Variants in ROBO2 observed in about 807,000 individuals in gnomAD.
ROBO2 encodes roundabout guidance receptor 2.
A neutral mutation model predicts 160.8 loss-of-function variants in ROBO2; 53 were observed. That is an observed-to-expected ratio of 0.33 (90% CI 0.26 to 0.41). The LOEUF (loss-of-function observed/expected upper bound fraction) is 0.41. ROBO2 is among the 10% of genes least tolerant of loss of function. The pLI, the probability that ROBO2 is intolerant of heterozygous loss-of-function variation, is 1.00. For missense variants in ROBO2, 1,577 were observed against 1,722.4 expected, an observed-to-expected ratio of 0.92 and a Z score of 1.49; for synonymous variants, 664 against 611.7, an observed-to-expected ratio of 1.09 and a Z score of -1.26.
intron 5 of ROBO2, among the ~76,000 whole-genome samples, chr3:77,512,363 A>C (rs1414918550): frequency 1.3e-5 from 2 of 151,952 alleles, no homozygotes; most frequent in Non-Finnish European, 2.9e-5. Flanking sequence ...TTCAGCTCTC[A>C]AAATTGAAAG....
intron 2 of ROBO2, among the ~76,000 whole-genome samples, chr3:77,352,130 G>A (rs1345164608): frequency 6.6e-6 from 1 of 150,888 alleles, no homozygotes; most frequent in Admixed American, 6.6e-5. Flanking sequence ...AGAGTCGCAG[G>A]TATCAGCATT....
At chr3:76,220,038 G>A (rs1021378210) in intron 2 of ROBO2, among the ~76,000 whole-genome samples, 3 of 152,034 alleles carry the variant, frequency 2.0e-5, no homozygotes, top group African/African-American at 4.8e-5. Context: ...GGACATGGAT[G>A]AAGCTGGAAA....
chr3:76,638,590 AT>A (rs879906291), intron 2 of ROBO2, among the ~76,000 whole-genome samples: 2 of 152,162 alleles, frequency 1.3e-5, no homozygotes, highest in African/African-American at 2.4e-5. Flanking sequence ...AAAATTTTAA[AT>A]TATTGGGTAA....
intron 1 of ROBO2, among the ~76,000 whole-genome samples, chr3:77,089,960 A>G (rs1415960210): frequency 6.6e-6 from 1 of 152,226 alleles, no homozygotes; most frequent in Non-Finnish European, 1.5e-5. Flanking sequence ...CAATGTAGAC[A>G]GCATTTGCAG....
intron 2 of ROBO2, among the ~76,000 whole-genome samples, chr3:76,339,487 T>C (rs964925923): frequency 6.6e-6 from 1 of 152,192 alleles, no homozygotes; most frequent in Admixed American, 6.6e-5. Flanking sequence ...TATGAGATTA[T>C]GTTATGAGGA....
intron 2 of ROBO2, among the ~76,000 whole-genome samples, chr3:76,909,006 T>A (rs867892450): frequency 6.6e-6 from 1 of 152,186 alleles, no homozygotes; most frequent in African/African-American, 2.4e-5. Flanking sequence ...GCAGGGAGAA[T>A]TGCTTAAGGC....
intron 2 of ROBO2, among the ~76,000 whole-genome samples, chr3:76,242,043 T>G (rs1472693372): frequency 1.3e-5 from 2 of 152,238 alleles, no homozygotes; most frequent in African/African-American, 4.8e-5. Flanking sequence ...ATTATCTTCA[T>G]AGTCACTGAA....
At chr3:76,650,332 CTTCG>C (rs1281575301) in intron 2 of ROBO2, among the ~76,000 whole-genome samples, 1 of 152,084 alleles carries the variant, frequency 6.6e-6, no homozygotes, top group Non-Finnish European at 1.5e-5. Flanking sequence ...GACAGCGTGC[CTTCG>C]TTCTTTCCCT....
At chr3:76,001,201 A>G (rs536926099) in intron 2 of ROBO2, among the ~76,000 whole-genome samples, 2 of 152,328 alleles carry the variant, frequency 1.3e-5, no homozygotes, top group East Asian at 1.9e-4. Context: ...ACTTGAATCA[A>G]TCATCTCCTA....
intron 2 of ROBO2, among the ~76,000 whole-genome samples, chr3:76,778,304 C>T (rs1341152383): frequency 6.6e-6 from 1 of 151,106 alleles, no homozygotes; most frequent in Non-Finnish European, 1.5e-5. Flanking sequence ...TAGCATACAC[C>T]TGTGATGAAT....
intron 2 of ROBO2, among the ~76,000 whole-genome samples, chr3:77,419,207 G>A (rs374314296): frequency 6.6e-6 from 1 of 151,972 alleles, no homozygotes; most frequent in Non-Finnish European, 1.5e-5. Context: ...CATAGAAAAC[G>A]TTAAATCATA....
At chr3:75,932,010 C>T (rs1454524121) in intron 1 of ROBO2, among the ~76,000 whole-genome samples, 1 of 152,148 alleles carries the variant, frequency 6.6e-6, no homozygotes, top group East Asian at 1.9e-4. Flanking sequence ...TTCCGAGAAA[C>T]AAAGGTTTCT....
chr3:75,960,938 C>T (rs1184927595), intron 2 of ROBO2, among the ~76,000 whole-genome samples: 2 of 151,624 alleles, frequency 1.3e-5, no homozygotes, highest in Non-Finnish European at 3.0e-5. Flanking sequence ...ACTTAACTAT[C>T]ATTGACAAAA....
intron 2 of ROBO2, among the ~76,000 whole-genome samples, chr3:76,725,642 A>G (rs1178353980): frequency 2.6e-5 from 4 of 152,166 alleles, no homozygotes; most frequent in Middle Eastern, 3.2e-3. Flanking sequence ...TAAGAACTCT[A>G]TGGGAACCAG....
intron 2 of ROBO2, among the ~76,000 whole-genome samples, chr3:76,874,536 G>A (rs556814483): frequency 1.3e-5 from 2 of 152,274 alleles, no homozygotes; most frequent in African/African-American, 4.8e-5. Flanking sequence ...CAAGCTAGCA[G>A]AGGGGCCATG....
At chr3:77,068,586 C>A (rs1229036498) in intron 1 of ROBO2, among the ~76,000 whole-genome samples, 1 of 152,000 alleles carries the variant, frequency 6.6e-6, no homozygotes, top group Non-Finnish European at 1.5e-5. Flanking sequence ...TCAAAATTCA[C>A]CCCAAAGTAT....
intron 2 of ROBO2, among the ~76,000 whole-genome samples, chr3:76,605,386 TAA>T (rs34113661): frequency 2.0e-5 from 3 of 150,364 alleles, no homozygotes; most frequent in Admixed American, 6.6e-5. Context: ...AACTGTATTT[TAA>T]AAAAAAAAGG....
At chr3:76,449,509 A>G (rs1170808608) in intron 2 of ROBO2, among the ~76,000 whole-genome samples, 1 of 152,122 alleles carries the variant, frequency 6.6e-6, no homozygotes, top group African/African-American at 2.4e-5. Flanking sequence ...ATATTTCATA[A>G]GAACTTTCTT....
At chr3:77,618,111 A>G (rs1426457091) in intron 22 of ROBO2, 1 of 332,958 alleles carries the variant, frequency 3.0e-6, no homozygotes, top group Non-Finnish European at 5.7e-6. Context: ...TTTATGGTTT[A>G]TCTTCAATTA....
Sources: allele counts gnomAD v4.1 joint callset (sites outside exome capture counted in the v4.1 genomes callset), GRCh38; gene constraint gnomAD v4.1.1; transcripts MANE v1.5; gene names NCBI Gene and HGNC (gene_info 2026-07-23, HGNC 2026-07-21).